IFTAP: variants seen among roughly 807,000 people sequenced by gnomAD.
The protein encoded by IFTAP is intraflagellar transport associated protein, also known as intraflagellar transport-associated protein.
IFTAP carries 19 observed loss-of-function variants against 19.4 expected under a neutral mutation model. The ratio of observed to expected loss-of-function variants is 0.98; its 90% CI spans 0.68 to 1.44. The LOEUF (loss-of-function observed/expected upper bound fraction) is 1.44, where lower values mean the gene tolerates loss of function less well. Among genes scored for constraint, IFTAP ranks in the 40% most tolerant of loss-of-function variants. The pLI is 0.00. For missense variants in IFTAP, 240 were observed against 253.6 expected (o/e 0.95, Z 0.36); for synonymous variants, 85 against 83.5 (o/e 1.02, Z -0.10).
intron 4 of IFTAP, among the ~76,000 whole-genome samples, chr11:36,637,629 A>C (rs1454559070): frequency 2.0e-5 from 3 of 152,176 alleles, no homozygotes; most frequent in Non-Finnish European, 4.4e-5. Context: ...CTTTGGTGGC[A>C]TCTGGTGATC....
intron 2 of IFTAP, among the ~76,000 whole-genome samples, chr11:36,610,730 T>A (rs1851850088): frequency 6.6e-6 from 1 of 152,100 alleles, no homozygotes; most frequent in African/African-American, 2.4e-5. Context: ...AAACGTTAAT[T>A]GAGATAATCC....
At chr11:36,635,783 C>G (rs981061258) in intron 3 of IFTAP, among the ~76,000 whole-genome samples, 1 of 152,180 alleles carries the variant, frequency 6.6e-6, no homozygotes, top group Non-Finnish European at 1.5e-5. Flanking sequence ...TTTTAAAAAA[C>G]TCTCAGACTG....
At chr11:36,629,517 A>G (rs1166570980) in intron 2 of IFTAP, among the ~76,000 whole-genome samples, 1 of 151,492 alleles carries the variant, frequency 6.6e-6, no homozygotes, top group Non-Finnish European at 1.5e-5. Flanking sequence ...TTCTCCTGCA[A>G]GTGTGATAAT....
intron 4 of IFTAP, among the ~76,000 whole-genome samples, chr11:36,644,441 C>A (rs560241202): frequency 1.3e-5 from 2 of 152,138 alleles, no homozygotes; most frequent in African/African-American, 2.4e-5. Context: ...GACAGTGTGG[C>A]GATTCCTCAA....
At chr11:36,603,095 A>G (rs1421803666) in intron 1 of IFTAP, among the ~76,000 whole-genome samples, 1 of 152,194 alleles carries the variant, frequency 6.6e-6, no homozygotes, top group Admixed American at 6.5e-5. Context: ...CAATGCAGAC[A>G]TTTCTGGATT....
At chr11:36,621,755 A>G (rs1852299389) in intron 2 of IFTAP, among the ~76,000 whole-genome samples, 2 of 152,122 alleles carry the variant, frequency 1.3e-5, no homozygotes, top group Admixed American at 6.6e-5. Flanking sequence ...CAGGGTCCCT[A>G]CCCTAGAAGA....
At chr11:36,632,216 T>C (rs1284370037) in intron 2 of IFTAP, among the ~76,000 whole-genome samples, 1 of 151,268 alleles carries the variant, frequency 6.6e-6, no homozygotes, top group Admixed American at 6.6e-5. Context: ...AAATGATTCA[T>C]GAGATGCTCA....
At chr11:36,658,795 T>G (rs1026854347) in intron 5 of IFTAP, among the ~76,000 whole-genome samples, 1 of 152,210 alleles carries the variant, frequency 6.6e-6, no homozygotes, top group South Asian at 2.1e-4. Context: ...GTTAATGATA[T>G]TCATTCAGAT....
intron 5 of IFTAP, among the ~76,000 whole-genome samples, chr11:36,656,666 G>A (rs564125220): frequency 1.9e-4 from 29 of 152,112 alleles, no homozygotes; most frequent in Middle Eastern, 3.4e-3. Context: ...CAAAGCACGT[G>A]ATACTGAAAT....
At chr11:36,636,690 T>G (rs569067718) in intron 4 of IFTAP, among the ~76,000 whole-genome samples, 109 of 152,260 alleles carry the variant, frequency 7.2e-4, no homozygotes, top group Non-Finnish European at 1.3e-3. Context: ...AGAAAATCCA[T>G]TTTTTTGCTT....
At chr11:36,616,163 A>G (rs1394936516) in intron 2 of IFTAP, among the ~76,000 whole-genome samples, 1 of 151,948 alleles carries the variant, frequency 6.6e-6, no homozygotes, top group Non-Finnish European at 1.5e-5. Flanking sequence ...TCTCTCTCAC[A>G]TGCCTAGGAT....
intron 2 of IFTAP, among the ~76,000 whole-genome samples, chr11:36,624,746 G>C (rs1018753444): frequency 3.9e-5 from 6 of 152,228 alleles, no homozygotes; most frequent in African/African-American, 1.2e-4. Flanking sequence ...AAGGGTGTGG[G>C]GGGGTGTCAT....
intron 2 of IFTAP, 88 bp from the exon 3 acceptor site, chr11:36,633,196 C>T: frequency 8.2e-7 from 1 of 1,223,174 alleles, no homozygotes; most frequent in Non-Finnish European, 1.1e-6. Flanking sequence ...TATTCTTTTT[C>T]ATTGGAAGAA....
rs996800779 is a variant in IFTAP, at chr11:36,629,974, A to G, written c.137-3310A>G. 3.6e-4 allele frequency among the ~76,000 whole-genome samples: 54 copies of G among 151,312 alleles called. 2 individuals carry two copies. Among genetic ancestry groups the G allele is most frequent in the African/African-American group, 1.0e-3 (42 of 40,614 alleles). On this transcript the variant is annotated intron_variant, in intron 2 of 5. Transcript: ENST00000334307. Reference sequence around the variant, plus strand: ...TATTGCTGTTAGATTTCTAAACCGTATTATGTCTGACACTTATTTCAAAGC... The same window carrying G: ...TATTGCTGTTAGATTTCTAAACCGTGTTATGTCTGACACTTATTTCAAAGC...
intron 1 of IFTAP, among the ~76,000 whole-genome samples, chr11:36,603,272 CT>C (rs1851572922): frequency 6.6e-6 from 1 of 152,176 alleles, no homozygotes; most frequent in Non-Finnish European, 1.5e-5. Context: ...AGGAAAGTTT[CT>C]GTTTATGCAT....
chr11:36,599,638 G>A (rs1851427464), intron 1 of IFTAP, among the ~76,000 whole-genome samples: 1 of 151,086 alleles, frequency 6.6e-6, no homozygotes, highest in African/African-American at 2.5e-5. Flanking sequence ...TATTTTCAGG[G>A]TTGATTTTTT....
intron 2 of IFTAP, among the ~76,000 whole-genome samples, chr11:36,630,280 C>G (rs931197904): frequency 6.6e-6 from 1 of 151,296 alleles, no homozygotes; most frequent in Non-Finnish European, 1.5e-5. Context: ...ACGATAAAAG[C>G]CTTTAGAAGG....
intron 2 of IFTAP, among the ~76,000 whole-genome samples, chr11:36,613,175 T>C (rs1851937315): frequency 6.6e-6 from 1 of 152,044 alleles, no homozygotes; most frequent in Non-Finnish European, 1.5e-5. Context: ...AAATAATTGG[T>C]AAAGACATTG....
intron 5 of IFTAP, among the ~76,000 whole-genome samples, chr11:36,649,743 G>A (rs1430232868): frequency 1.3e-5 from 2 of 151,944 alleles, no homozygotes; most frequent in Non-Finnish European, 2.9e-5. Flanking sequence ...TTAAAATGTT[G>A]GAATCAAAAT....
Sources: allele counts gnomAD v4.1 joint callset (sites outside exome capture counted in the v4.1 genomes callset), GRCh38; gene constraint gnomAD v4.1.1; transcripts MANE v1.5; gene names NCBI Gene and HGNC (gene_info 2026-07-23, HGNC 2026-07-21).